Variants in ZNF385B observed in about 807,000 individuals in gnomAD.
ZNF385B encodes zinc finger protein 533.
In ZNF385B, 23 loss-of-function variants were observed where a neutral mutation model predicts 39.2. The ratio of observed to expected loss-of-function variants is 0.59; its 90% CI spans 0.42 to 0.83. The LOEUF is 0.83. ZNF385B is among the 40% of genes least tolerant of loss of function. ZNF385B has a pLI of 0.00. For missense variants in ZNF385B, 552 were observed against 598.9 expected, an observed-to-expected ratio of 0.92 and a Z score of 0.82; for synonymous variants, 205 against 222.6, an observed-to-expected ratio of 0.92 and a Z score of 0.70.
chr2:179,663,829 A>C (rs1318492728), intron 3 of ZNF385B, among the ~76,000 whole-genome samples: 1 of 151,898 alleles, frequency 6.6e-6, no homozygotes, highest in Non-Finnish European at 1.5e-5. Flanking sequence ...CGGGGACTTT[A>C]CATTCAGTTC....
At chr2:179,792,779 A>T (rs1421783405) in intron 1 of ZNF385B, among the ~76,000 whole-genome samples, 5 of 152,050 alleles carry the variant, frequency 3.3e-5, no homozygotes, top group Non-Finnish European at 7.4e-5. Flanking sequence ...CTTCCTGTAC[A>T]TTTTCTTGTT....
intron 3 of ZNF385B, among the ~76,000 whole-genome samples, chr2:179,708,509 G>T (rs564498686): frequency 7.2e-5 from 11 of 152,236 alleles, no homozygotes; most frequent in Non-Finnish European, 1.2e-4. Flanking sequence ...AATAGCAATA[G>T]ATGGTTAGGG....
chr2:179,493,758 T>TAC (rs2055752329), intron 5 of ZNF385B, among the ~76,000 whole-genome samples: 2 of 128,718 alleles, frequency 1.6e-5, no homozygotes, highest in Admixed American at 7.6e-5. Flanking sequence ...TGTATATACA[T>TAC]ATATGTATAC....
At chr2:179,722,901 TGAA>T (rs1700782732) in intron 3 of ZNF385B, among the ~76,000 whole-genome samples, 1 of 152,112 alleles carries the variant, frequency 6.6e-6, no homozygotes, top group Non-Finnish European at 1.5e-5. Flanking sequence ...TCACATGATA[TGAA>T]TAGGAATTTC....
chr2:179,820,289 A>C (rs1286815119), intron 1 of ZNF385B, among the ~76,000 whole-genome samples: 1 of 152,070 alleles, frequency 6.6e-6, no homozygotes, highest in Non-Finnish European at 1.5e-5. Context: ...TATTTGCATA[A>C]AGGTATTTGC....
At chr2:179,844,799 A>G (rs961267032) in intron 1 of ZNF385B, among the ~76,000 whole-genome samples, 4 of 152,254 alleles carry the variant, frequency 2.6e-5, no homozygotes, top group African/African-American at 4.8e-5. Context: ...ATCAAGCTCT[A>G]TCACTCTCAG....
chr2:179,617,663 T>G (rs967675482), intron 3 of ZNF385B, among the ~76,000 whole-genome samples: 11 of 152,164 alleles, frequency 7.2e-5, no homozygotes, highest in African/African-American at 2.7e-4. Context: ...TTACAAGTCC[T>G]CATGTGGTAC....
intron 3 of ZNF385B, among the ~76,000 whole-genome samples, chr2:179,658,276 C>G (rs1025669067): frequency 7.9e-5 from 12 of 152,148 alleles, no homozygotes; most frequent in Non-Finnish European, 1.3e-4. Flanking sequence ...TCCTAAATCA[C>G]CAACATCACT....
chr2:179,590,999 A>C (rs1270283515), intron 3 of ZNF385B, among the ~76,000 whole-genome samples: 1 of 152,134 alleles, frequency 6.6e-6, no homozygotes, highest in African/African-American at 2.4e-5. Context: ...TAGTACCAAC[A>C]GTCCTAGAAA....
At chr2:179,860,363 AGTCTAGGGAAGCATC>A (rs1684943792) in intron 1 of ZNF385B, among the ~76,000 whole-genome samples, 1 of 152,132 alleles carries the variant, frequency 6.6e-6, no homozygotes, top group Admixed American at 6.5e-5. Flanking sequence ...TGTCCTCCAG[AGTCTAGGGAAGCATC>A]GTCCTGCCAG....
rs143701135 is a variant in ZNF385B at position 179,534,452 on chromosome 2, T to C, written c.441+10375A>G. 4.0e-3 allele frequency among the ~76,000 whole-genome samples: 613 copies of C among 152,292 alleles called. 12 individuals carry two copies. The highest frequency in any genetic ancestry group is 1.3e-3 in the Non-Finnish European group (91 of 68,020). On this transcript the variant is annotated intron_variant, in intron 4 of 9. Coordinates refer to ENST00000410066, the MANE Select transcript of ZNF385B (RefSeq NM_152520.6). Reference sequence around the variant, plus strand: ...AGAAATAGCATGGGGATATGTTATATACTTATAATTTTTTCACAGCCTCTC... The same window carrying C: ...AGAAATAGCATGGGGATATGTTATACACTTATAATTTTTTCACAGCCTCTC...
intron 5 of ZNF385B, among the ~76,000 whole-genome samples, chr2:179,499,720 G>A (rs1322210194): frequency 1.3e-5 from 2 of 151,950 alleles, no homozygotes; most frequent in Admixed American, 1.3e-4. Flanking sequence ...TTTCCTCTAA[G>A]ATCTGGAACA....
chr2:179,598,683 T>C (rs549322927), intron 3 of ZNF385B, among the ~76,000 whole-genome samples: 3 of 152,284 alleles, frequency 2.0e-5, no homozygotes, highest in Non-Finnish European at 4.4e-5. Flanking sequence ...ATTTGGATTC[T>C]GAAAATCCCA....
chr2:179,727,562 C>G (rs1301399565), intron 3 of ZNF385B, among the ~76,000 whole-genome samples: 1 of 152,086 alleles, frequency 6.6e-6, no homozygotes, highest in Non-Finnish European at 1.5e-5. Flanking sequence ...CATTTATAAT[C>G]TACTTAAGTA....
At chr2:179,753,065 A>C (rs1230737194) in intron 3 of ZNF385B, among the ~76,000 whole-genome samples, 1 of 152,162 alleles carries the variant, frequency 6.6e-6, no homozygotes, top group African/African-American at 2.4e-5. Context: ...TTATGGTTTT[A>C]GGTCTAACAT....
chr2:179,724,537 A>C (rs368099892), intron 3 of ZNF385B, among the ~76,000 whole-genome samples: 17 of 152,322 alleles, frequency 1.1e-4, no homozygotes, highest in African/African-American at 4.1e-4. Flanking sequence ...TAAGCCTCAA[A>C]ATTCACTAAA....
At chr2:179,722,771 T>G (rs926154299) in intron 3 of ZNF385B, among the ~76,000 whole-genome samples, 3 of 152,042 alleles carry the variant, frequency 2.0e-5, no homozygotes, top group Non-Finnish European at 4.4e-5. Flanking sequence ...CCAAAAATAA[T>G]AAAAACCCAA....
At chr2:179,633,657 C>T (rs1376378917) in intron 3 of ZNF385B, among the ~76,000 whole-genome samples, 3 of 152,156 alleles carry the variant, frequency 2.0e-5, no homozygotes, top group Non-Finnish European at 1.5e-5. Context: ...CAAGGATGCC[C>T]CCTCTCACCA....
chr2:179,638,191 G>T (rs981750191), intron 3 of ZNF385B, among the ~76,000 whole-genome samples: 13 of 152,266 alleles, frequency 8.5e-5, no homozygotes, highest in Middle Eastern at 3.4e-3. Flanking sequence ...CTTAAAATTT[G>T]TTGAGTGTCG....
Sources: allele counts gnomAD v4.1 joint callset (sites outside exome capture counted in the v4.1 genomes callset), GRCh38; gene constraint gnomAD v4.1.1; transcripts MANE v1.5; gene names NCBI Gene and HGNC (gene_info 2026-07-23, HGNC 2026-07-21).